Variants in COP1 observed in about 807,000 individuals in gnomAD.
COP1 encodes the protein COP1 E3 ubiquitin ligase, also known as E3 ubiquitin-protein ligase COP1.
Under a neutral mutation model 101.3 loss-of-function variants are expected in COP1, and 24 were observed. The ratio of observed to expected loss-of-function variants is 0.24; its 90% CI spans 0.17 to 0.33. The LOEUF (loss-of-function observed/expected upper bound fraction) is 0.33. COP1 is among the 10% of genes least tolerant of loss of function. The pLI is 1.00. For missense variants in COP1, 663 were observed against 906.2 expected (o/e 0.73, Z 3.45); for synonymous variants, 347 against 341.9 (o/e 1.01, Z -0.17).
intron 9 of COP1, among the ~76,000 whole-genome samples, chr1:176,087,442 A>C (rs915141881): frequency 3.9e-5 from 6 of 152,232 alleles, no homozygotes; most frequent in African/African-American, 1.4e-4. Flanking sequence ...AAAGTGGGAG[A>C]AGGGTATGAA....
intron 11 of COP1, among the ~76,000 whole-genome samples, chr1:176,056,324 TTTA>T (rs1673477136): frequency 6.6e-6 from 1 of 152,194 alleles, no homozygotes; most frequent in African/African-American, 2.4e-5. Context: ...CTTCTACAGT[TTTA>T]TTAACATTTA....
chr1:176,206,587 C>A lies in COP1; in HGVS notation c.392G>T (p.Ser131Ile). 1 of 1,610,974 alleles carries A rather than the reference C, an allele frequency of 6.2e-7. No individual in the cohort carries two copies. The highest frequency in any genetic ancestry group is 8.5e-7 in the Non-Finnish European group (1 of 1,179,862). Reference protein sequence around the residue: ...NGLINSYEDKSNDFVCPICFD... With the variant: ...NGLINSYEDKINDFVCPICFD... The stretch of plus-strand genomic sequence containing the variant: ...TCAAACCCACCATACGAAGTCGTTG[C>A]TTTTGTCCTCGTAGGAGTTGATGAG... The change falls in exon 1 of 20, where the codon AGC becomes ATC. Residue 131 changes from serine (S) to isoleucine (I), a missense_variant. Physicochemically the swap from Ser to Ile is moderately radical, Grantham distance 142. Around this residue, in one of 4 missense-constraint regions of COP1, gnomAD observed 204 missense variants for 203.6 expected, o/e 1.00. Transcript: ENST00000367669.
chr1:175,968,517 T>C (rs1408912665), intron 18 of COP1: 3 of 518,942 alleles, frequency 5.8e-6, no homozygotes, highest in East Asian at 5.4e-5. Context: ...TTTGTCCACA[T>C]GGCTGGTTCC....
intron 1 of COP1, among the ~76,000 whole-genome samples, chr1:176,194,323 AC>A (rs1699420620): frequency 6.6e-6 from 1 of 152,192 alleles, no homozygotes. Context: ...TAAAATGTAA[AC>A]AGTCCAGCTA....
chr1:176,153,572 C>CT (rs1483774494), intron 5 of COP1, among the ~76,000 whole-genome samples: 1 of 152,140 alleles, frequency 6.6e-6, no homozygotes, highest in Non-Finnish European at 1.5e-5. Context: ...TTTGGATCCC[C>CT]TTTCTTTCTT....
At chr1:176,077,326 C>T (rs1678236225) in intron 11 of COP1, among the ~76,000 whole-genome samples, 1 of 152,014 alleles carries the variant, frequency 6.6e-6, no homozygotes, top group Admixed American at 6.6e-5. Context: ...TTTATTCCTG[C>T]AATGCAAGGC....
chr1:175,974,106 TAAAC>T (rs925617423), intron 18 of COP1, among the ~76,000 whole-genome samples: 45 of 152,148 alleles, frequency 3.0e-4, no homozygotes, highest in African/African-American at 1.0e-3. Context: ...AACAGTGAGA[TAAAC>T]AAGTCTAGAA....
intron 1 of COP1, among the ~76,000 whole-genome samples, chr1:176,198,892 A>T (rs1309070420): frequency 1.3e-5 from 2 of 152,248 alleles, no homozygotes; most frequent in Non-Finnish European, 2.9e-5. Flanking sequence ...ACATATCCAC[A>T]AAAATGACTA....
chr1:176,106,627 A>C lies in COP1; in HGVS notation c.1026+9997T>G, dbSNP rs1684358419. Reference sequence around the variant, plus strand: ...CCCACCCAGCAATTGACCCAGTGCAAGAGGACAGCTTCAATTCCCTATTAT... The same window carrying C: ...CCCACCCAGCAATTGACCCAGTGCACGAGGACAGCTTCAATTCCCTATTAT... On this transcript the variant is annotated intron_variant, in intron 9 of 19. Transcript: ENST00000367669. 3.3e-5 allele frequency among the ~76,000 whole-genome samples: 5 copies of C among 152,272 alleles called. No individual in the cohort carries two copies. The South Asian group carries it at 1.0e-3, about 32-fold the overall frequency.
chr1:175,995,008 C>CAGG (rs1659754591), intron 15 of COP1, among the ~76,000 whole-genome samples: 1 of 152,132 alleles, frequency 6.6e-6, no homozygotes, highest in East Asian at 1.9e-4. Flanking sequence ...AAGCTCTCCT[C>CAGG]AGCAAATGCA....
intron 11 of COP1, among the ~76,000 whole-genome samples, chr1:176,059,117 T>C (rs1170963703): frequency 6.6e-6 from 1 of 152,232 alleles, no homozygotes; most frequent in African/African-American, 2.4e-5. Context: ...TAATGTTTAA[T>C]TAAACTTTAC....
At chr1:176,173,324 GAAAA>G (rs11396126) in intron 3 of COP1, among the ~76,000 whole-genome samples, 2 of 93,702 alleles carry the variant, frequency 2.1e-5, no homozygotes, top group African/African-American at 4.5e-5. Flanking sequence ...AAAACAAAAT[GAAAA>G]AAAAAAAAAA....
chr1:175,972,192 T>C (rs971210778), intron 18 of COP1, among the ~76,000 whole-genome samples: 1 of 152,122 alleles, frequency 6.6e-6, no homozygotes, highest in Admixed American at 6.5e-5. Flanking sequence ...ATATAACAAG[T>C]ATAGGGTTTA....
intron 11 of COP1, among the ~76,000 whole-genome samples, chr1:176,076,003 C>CAAAAAAAAAAAAAAAA (rs60998287): frequency 1.0e-5 from 1 of 96,548 alleles, no homozygotes. Flanking sequence ...AACTCCATCT[C>CAAAAAAAAAAAAAAAA]AAAAAAAAAA....
intron 2 of COP1, among the ~76,000 whole-genome samples, chr1:176,176,288 T>C (rs1696918526): frequency 6.6e-6 from 1 of 152,342 alleles, no homozygotes; most frequent in South Asian, 2.1e-4. Context: ...GCAATTTAGA[T>C]AGTTCATAAC....
At chr1:176,112,223 CA>C (rs1186171855) in intron 9 of COP1, among the ~76,000 whole-genome samples, 3,152 of 134,212 alleles carry the variant, frequency 0.023, 88 homozygotes, top group African/African-American at 0.074. Context: ...AAAATATTTC[CA>C]AAAAAAAAAA....
At chr1:176,026,764 TA>T (rs1415843960) in intron 15 of COP1, among the ~76,000 whole-genome samples, 4 of 152,092 alleles carry the variant, frequency 2.6e-5, no homozygotes, top group Non-Finnish European at 4.4e-5. Context: ...TGCTAACTTG[TA>T]TTTTTTTTTG....
At chr1:176,007,627 C>T (rs1185559195) in intron 15 of COP1, among the ~76,000 whole-genome samples, 15 of 151,786 alleles carry the variant, frequency 9.9e-5, no homozygotes, top group Admixed American at 9.2e-4. Flanking sequence ...TGTGCCCCTG[C>T]TGGGGGGTGT....
chr1:176,109,927 A>C (rs1030120503), intron 9 of COP1, among the ~76,000 whole-genome samples: 4 of 152,160 alleles, frequency 2.6e-5, no homozygotes, highest in Non-Finnish European at 4.4e-5. Flanking sequence ...TCTAAAAATG[A>C]AAGCATTCAA....
Sources: gnomAD v4.1 joint callset for allele counts (sites outside exome capture counted in the v4.1 genomes callset) on GRCh38, gnomAD v4.1.1 for gene constraint, gnomAD v4.1.1 regional missense constraint, MANE v1.5 for transcripts, NCBI Gene and HGNC (gene_info 2026-07-23, HGNC 2026-07-21) for gene names.